Variants in SPAG17 observed in about 807,000 individuals in gnomAD.
The protein encoded by SPAG17 is sperm associated antigen 17, also known as sperm-associated antigen 17.
In SPAG17, 169 loss-of-function variants were observed where a neutral mutation model predicts 273.6. The ratio of observed to expected loss-of-function variants is 0.62; its 90% CI spans 0.55 to 0.70. The LOEUF (loss-of-function observed/expected upper bound fraction) is 0.70, where lower values mean the gene tolerates loss of function less well. Ranked by LOEUF, SPAG17 falls within the 30% of genes least tolerant of loss-of-function variation. SPAG17 has a pLI of 0.00. For synonymous variants in SPAG17, 825 were observed against 873.2 expected (o/e 0.94, Z 0.97); for missense variants, 2,557 against 2,627.8 (o/e 0.97, Z 0.59).
At chr1:117,995,831 C>T (rs1043954941) in intron 34 of SPAG17, among the ~76,000 whole-genome samples, 3 of 151,760 alleles carry the variant, frequency 2.0e-5, no homozygotes, top group Non-Finnish European at 2.9e-5. Context: ...ATGGTTCTTA[C>T]TTAATGTTTT....
At position 118,081,566 on chromosome 1, in the gene SPAG17, A is replaced by G. The variant is rs1654573156; in HGVS notation, c.1839T>C (p.Asp613=). 3 of 1,613,942 alleles carry G rather than the reference A, an allele frequency of 1.9e-6. No homozygotes were observed. The highest frequency in any genetic ancestry group is 2.5e-6 in the Non-Finnish European group (3 of 1,179,966). ...CAGAAGGTTTCAGTTTCCCTTTTTCATCAACCTCAGAGAGCTTCAGGCTCT... is the reference window on the plus strand; with the variant it reads ...CAGAAGGTTTCAGTTTCCCTTTTTCGTCAACCTCAGAGAGCTTCAGGCTCT... ...TFESLKLSEV[D]EKGKLKPSGM... is the part of the protein sequence containing the mutation. The change falls in exon 14 of 49, where the codon GAT becomes GAC. Residue 613 remains aspartate, a synonymous_variant. Coordinates refer to ENST00000336338, the MANE Select transcript of SPAG17 (RefSeq NM_206996.4).
At position 117,976,090 on chromosome 1, in the gene SPAG17, G is replaced by T. The variant is rs143690505; in HGVS notation, c.6005-2529C>A. On this transcript the variant is annotated intron_variant, in intron 43 of 48. Coordinates refer to ENST00000336338, the MANE Select transcript of SPAG17 (RefSeq NM_206996.4). ...CAGTGTCACATAGCTATTACACAAG[G>T]AGCCCGGATGTGAACCCAGGTAGAG... Among the ~76,000 whole-genome samples the T allele has an allele frequency of 5.6e-3, 852 of 152,258 alleles. 7 individuals carry two copies. The highest frequency in any genetic ancestry group is 0.01 in the Middle Eastern group (3 of 294).
intron 1 of SPAG17, among the ~76,000 whole-genome samples, chr1:118,154,593 G>A (rs535241238): frequency 1.3e-5 from 2 of 151,854 alleles, no homozygotes; most frequent in African/African-American, 2.4e-5. Context: ...ACCAACTGGC[G>A]GCATTTTTAG....
At chr1:118,037,261 C>A (rs1649188020) in intron 23 of SPAG17, among the ~76,000 whole-genome samples, 1 of 152,188 alleles carries the variant, frequency 6.6e-6, no homozygotes, top group Non-Finnish European at 1.5e-5. Context: ...AACTTTTTTA[C>A]ATTTTAAAAC....
chr1:118,107,653 C>A (rs1157422529), intron 4 of SPAG17, among the ~76,000 whole-genome samples: 2 of 151,850 alleles, frequency 1.3e-5, no homozygotes, highest in Non-Finnish European at 1.5e-5. Flanking sequence ...TGCCACCATG[C>A]CCAGCTAAAA....
At chr1:117,997,390 T>C (rs1265532842) in intron 32 of SPAG17, among the ~76,000 whole-genome samples, 1 of 151,906 alleles carries the variant, frequency 6.6e-6, no homozygotes, top group African/African-American at 2.4e-5. Context: ...TTGAAATTTG[T>C]CAGTTTGAAC....
At chr1:118,090,877 T>A (rs1018001375) in intron 10 of SPAG17, among the ~76,000 whole-genome samples, 1 of 152,058 alleles carries the variant, frequency 6.6e-6, no homozygotes, top group African/African-American at 2.4e-5. Context: ...AGAGAGACCC[T>A]GTCTTAAAAA....
chr1:118,007,097 CT>C (rs548867852), intron 31 of SPAG17, among the ~76,000 whole-genome samples: 29 of 151,854 alleles, frequency 1.9e-4, no homozygotes, highest in Admixed American at 3.3e-4. Flanking sequence ...GAATCACAAA[CT>C]TTTTTTTGAT....
In SPAG17 at chr1:117,983,876, GA is replaced by G; in HGVS notation, c.5806del (p.Ser1936LeufsTer22). The G allele has an allele frequency of 6.2e-7, 1 of 1,612,368 alleles. No individual in the cohort carries two copies. Among genetic ancestry groups the G allele is most frequent in the Non-Finnish European group, 8.5e-7 (1 of 1,179,086 alleles). ...HLDSLSKKLPSFTKKNEDANE... is the reference protein window; with the variant it reads ...HLDSLSKKLPXFTKKNEDANE... ...TGCATCTTCATTTTTCTTTGTAAAA[GA>G]AGGCAGTTTTTTGGAAAGACTGTCC... On this transcript the variant is annotated frameshift_variant, in exon 42 of 49. Coordinates refer to ENST00000336338, the MANE Select transcript of SPAG17 (RefSeq NM_206996.4). LOFTEE classifies it high-confidence loss of function.
chr1:117,990,548 G>A (rs1162416317), intron 38 of SPAG17, among the ~76,000 whole-genome samples: 1 of 152,164 alleles, frequency 6.6e-6, no homozygotes, highest in Non-Finnish European at 1.5e-5. Context: ...TTGGTTGACT[G>A]TTTCCTTCCT....
At chr1:118,150,654 T>A in intron 2 of SPAG17, 25 bp from the exon 3 acceptor site, 2 of 1,314,652 alleles carry the variant, frequency 1.5e-6, no homozygotes, top group Middle Eastern at 1.9e-4. Flanking sequence ...AATTTACTTA[T>A]GATGAAAAAA....
chr1:118,005,468 C>A lies in SPAG17; in HGVS notation c.4722G>T (p.Arg1574Ser), dbSNP rs1383077935. 6.2e-7 allele frequency: 1 copy of A among 1,613,530 alleles called. No individual in the cohort carries two copies. The highest frequency in any genetic ancestry group is 1.1e-5 in the South Asian group (1 of 90,886). Reference protein sequence around the residue: ...EQLRAGRYIMRHTSEVICEVL... With the variant: ...EQLRAGRYIMSHTSEVICEVL... ...CCTCACAGATAACCTCTGAAGTATG[C>A]CTCATGATGTACCTGCCAGCTCGCA... is the stretch of plus-strand genomic sequence containing the variant. The change falls in exon 32 of 49, where the codon AGG becomes AGT. Residue 1574 changes from arginine to serine, a missense_variant. Arg to Ser is a moderately radical substitution (Grantham distance 110). Coordinates refer to ENST00000336338, the MANE Select transcript of SPAG17 (RefSeq NM_206996.4).
At chr1:117,972,124 C>A in intron 44 of SPAG17, 77 bp from the exon 45 acceptor site, 1 of 1,273,346 alleles carries the variant, frequency 7.9e-7, no homozygotes, top group Non-Finnish European at 1.1e-6. Context: ...TCCCTGTCAC[C>A]AGAGGAAAAT....
At chr1:118,168,018 C>T (rs906329900) in intron 1 of SPAG17, among the ~76,000 whole-genome samples, 1 of 152,176 alleles carries the variant, frequency 6.6e-6, no homozygotes, top group African/African-American at 2.4e-5. Context: ...TGGAAGCTTC[C>T]TGAGGCCTCC....
In SPAG17 at chr1:118,162,522, G is replaced by A. The variant is rs1659980596; in HGVS notation, c.88-11153C>T. ...CCCTTAAACAGCATCAGCCTGGGAA[G>A]AGAAATACACAAAAAAGGTGAAAAG... On this transcript the variant is annotated intron_variant, in intron 1 of 48. Coordinates refer to ENST00000336338, the MANE Select transcript of SPAG17 (RefSeq NM_206996.4). 2.0e-5 allele frequency among the ~76,000 whole-genome samples: 3 copies of A among 152,172 alleles called. 1 individual carries two copies. The highest frequency in any genetic ancestry group is 7.2e-5 in the African/African-American group (3 of 41,448).
intron 24 of SPAG17, among the ~76,000 whole-genome samples, chr1:118,035,663 CTA>C (rs1461353195): frequency 6.6e-6 from 1 of 151,972 alleles, no homozygotes; most frequent in Non-Finnish European, 1.5e-5. Flanking sequence ...AAAAAAGAAA[CTA>C]TATAGAAAGA....
intron 48 of SPAG17, chr1:117,958,997 A>G: frequency 6.2e-7 from 1 of 1,613,890 alleles, no homozygotes; most frequent in South Asian, 1.1e-5. Flanking sequence ...AAGTCAGCCA[A>G]GTCCGGGTAA....
At chr1:117,980,624 A>G (rs963377147) in intron 43 of SPAG17, among the ~76,000 whole-genome samples, 1 of 152,240 alleles carries the variant, frequency 6.6e-6, no homozygotes, top group African/African-American at 2.4e-5. Context: ...TCTCACATTC[A>G]GCATGGAACA....
At chr1:118,135,219 C>T (rs1357933197) in intron 3 of SPAG17, among the ~76,000 whole-genome samples, 1 of 152,176 alleles carries the variant, frequency 6.6e-6, no homozygotes, top group African/African-American at 2.4e-5. Context: ...CCAAACCAGG[C>T]TTGCTGAAAG....
Sources: gnomAD v4.1 joint callset for allele counts (sites outside exome capture counted in the v4.1 genomes callset) on GRCh38, gnomAD v4.1.1 for gene constraint, MANE v1.5 for transcripts, NCBI Gene and HGNC (gene_info 2026-07-23, HGNC 2026-07-21) for gene names.